Variants in ATP6V0A2 observed in about 807,000 individuals in gnomAD.
The protein encoded by ATP6V0A2 is V-type proton ATPase 116 kDa subunit a 2.
ATP6V0A2 carries 58 observed loss-of-function variants against 104.4 expected under a neutral mutation model. That is an observed-to-expected ratio of 0.56 (90% CI 0.45 to 0.69). The LOEUF (loss-of-function observed/expected upper bound fraction) is 0.69. Ranked by LOEUF, ATP6V0A2 falls within the 30% of genes least tolerant of loss-of-function variation. The pLI, the probability that ATP6V0A2 is intolerant of heterozygous loss-of-function variation, is 0.00. For missense variants in ATP6V0A2, 938 were observed against 1,062.9 expected (o/e 0.88, Z 1.63); for synonymous variants, 376 against 397.9 (o/e 0.95, Z 0.65).
Position 123,758,346 on chromosome 12 carries a change from T to C in ATP6V0A2, c.*314T>C, listed in dbSNP as rs1956783689. On this transcript the variant is annotated 3_prime_UTR_variant, in exon 20 of 20. Coordinates refer to ENST00000330342, the MANE Select transcript of ATP6V0A2 (RefSeq NM_012463.4). Reference sequence around the variant, plus strand: ...CCAATTTTGCATGGCTAGTTGAAAATGGTATTAGATACTTATTTCCTTTAA... The same window carrying C: ...CCAATTTTGCATGGCTAGTTGAAAACGGTATTAGATACTTATTTCCTTTAA... The C allele has an allele frequency of 4.6e-6, 1 of 218,724 alleles. No individual in the cohort carries two copies. The highest frequency in any genetic ancestry group is 2.3e-5 in the African/African-American group (1 of 43,022). 13.5% of individuals were successfully genotyped at this position (218,724 alleles called of 1,614,324 possible).
chr12:123,725,518 C>T (rs1013268216), intron 4 of ATP6V0A2, among the ~76,000 whole-genome samples: 1 of 152,118 alleles, frequency 6.6e-6, no homozygotes, highest in Non-Finnish European at 1.5e-5. Flanking sequence ...TGGCTTACAC[C>T]TGTAATCCCA....
In ATP6V0A2 at chr12:123,754,680, TA is replaced by T. The variant is rs1281930152; in HGVS notation, c.2293+145del. 5.7e-5 allele frequency: 38 copies of T among 671,668 alleles called. No homozygotes were observed. In the Middle Eastern group the frequency reaches 2.0e-3, roughly 35 times the overall value. 41.6% of individuals were successfully genotyped at this position (671,668 alleles called of 1,614,324 possible). ...ACGTGAACTTACACTATTCACTACT[TA>T]ATACACAGCTCTCTTGGCTATTTCT... is the stretch of plus-strand genomic sequence containing the variant. On this transcript the variant is annotated intron_variant, in intron 18 of 19. Transcript: ENST00000330342.
At position 123,761,459 on chromosome 12, in the gene ATP6V0A2, A is replaced by G. The variant is rs1389497701; in HGVS notation, c.*3427A>G. On this transcript the variant is annotated 3_prime_UTR_variant, in exon 20 of 20. Transcript: ENST00000330342. ...AAGCTGTCAAATCAAGATGATGGGA[A>G]TAAGGCAGTTTGAACGAACAGTCTT... The G allele has an allele frequency of 1.3e-5, 2 of 152,238 alleles. No homozygotes were observed. Among genetic ancestry groups the G allele is most frequent in the African/African-American group, 4.8e-5 (2 of 41,466 alleles). The allele number at this position is 152,238 out of a possible 1,614,324, so 9.4% of individuals were successfully genotyped here.
chr12:123,736,462 G>T (rs1956555191), intron 8 of ATP6V0A2, among the ~76,000 whole-genome samples: 1 of 152,160 alleles, frequency 6.6e-6, no homozygotes, highest in African/African-American at 2.4e-5. Flanking sequence ...AGAGTGCTGG[G>T]ATTACAGGTG....
At chr12:123,742,474 T>G (rs890880141) in intron 9 of ATP6V0A2, among the ~76,000 whole-genome samples, 1 of 152,196 alleles carries the variant, frequency 6.6e-6, no homozygotes, top group Non-Finnish European at 1.5e-5. Context: ...TGAAGGGGAC[T>G]TGGGGACGTT....
chr12:123,735,645 T>C, intron 8 of ATP6V0A2, 21 bp downstream of exon 8: 1 of 1,589,302 alleles, frequency 6.3e-7, no homozygotes. Context: ...TGGAAGTGGA[T>C]TGCCTCTTTA....
chr12:123,740,414 T>G (rs183573244), intron 9 of ATP6V0A2, among the ~76,000 whole-genome samples: 1 of 152,126 alleles, frequency 6.6e-6, no homozygotes, highest in Admixed American at 6.5e-5. Flanking sequence ...TTTCATAATG[T>G]TGGCCAGGCT....
chr12:123,756,853 G>A lies in ATP6V0A2; in HGVS notation c.2332G>A (p.Gly778Ser), dbSNP rs775303560. 3 of 1,613,980 alleles carry A rather than the reference G, an allele frequency of 1.9e-6. No homozygotes were observed. Among genetic ancestry groups the A allele is most frequent in the African/African-American group, 1.3e-5 (1 of 74,902 alleles). The change falls in exon 19 of 20, where the codon GGC becomes AGC. Residue 778 changes from glycine to serine, a missense_variant. Coordinates refer to ENST00000330342, the MANE Select transcript of ATP6V0A2 (RefSeq NM_012463.4). The part of the protein sequence containing the change: ...DVLWAMLMRV[G>S]LRVDTTYGVL... ...CCTGTGGGCCATGCTGATGCGCGTG[G>A]GCCTCCGCGTTGACACCACCTATGG...
At chr12:123,730,216 G>A (rs1022202299) in intron 6 of ATP6V0A2, among the ~76,000 whole-genome samples, 5 of 151,482 alleles carry the variant, frequency 3.3e-5, no homozygotes, top group African/African-American at 7.3e-5. Flanking sequence ...CACCGCTCCC[G>A]GCTAATTTTT....
At chr12:123,732,801 T>G (rs1472582513) in intron 6 of ATP6V0A2, 2 of 140,502 alleles carry the variant, frequency 1.4e-5, no homozygotes, top group South Asian at 2.7e-4. Flanking sequence ...TTATAGCACT[T>G]ACCTCTACCT....
chr12:123,722,026 T>C (rs1398321995), intron 2 of ATP6V0A2, among the ~76,000 whole-genome samples: 1 of 152,234 alleles, frequency 6.6e-6, no homozygotes, highest in African/African-American at 2.4e-5. Flanking sequence ...TTCACTAGAA[T>C]ATTAGAAATG....
Position 123,733,993 on chromosome 12 carries a change from A to G in ATP6V0A2, c.716A>G (p.Lys239Arg), listed in dbSNP as rs750655607. The change falls in exon 7 of 20, where the codon AAG becomes AGG. Residue 239 changes from lysine (K) to arginine (R), a missense_variant. Physicochemically the swap from Lys to Arg is conservative, Grantham distance 26. Coordinates refer to ENST00000330342, the MANE Select transcript of ATP6V0A2 (RefSeq NM_012463.4). ...FWGEQIGHKV[K>R]KICDCYHCHV... ...GGAGAGCAGATTGGCCACAAGGTTAAGAAGATATGTGATTGGTAAGAAAAA... is the reference window on the plus strand; with the variant it reads ...GGAGAGCAGATTGGCCACAAGGTTAGGAAGATATGTGATTGGTAAGAAAAA... 1.2e-6 allele frequency: 2 copies of G among 1,612,690 alleles called. No individual in the cohort carries two copies. The highest frequency in any genetic ancestry group is 8.5e-7 in the Non-Finnish European group (1 of 1,178,800).
intron 2 of ATP6V0A2, among the ~76,000 whole-genome samples, chr12:123,719,778 G>A (rs752322532): frequency 8.6e-5 from 13 of 152,002 alleles, no homozygotes; most frequent in Non-Finnish European, 1.3e-4. Context: ...GCCTTCCTGC[G>A]ATAAGCAAAA....
In ATP6V0A2 at chr12:123,759,279, C is replaced by A. The variant is rs1593925937; in HGVS notation, c.*1247C>A. 1 of 152,058 alleles carries A rather than the reference C, an allele frequency of 6.6e-6. No individual in the cohort carries two copies. Among genetic ancestry groups the A allele is most frequent in the Middle Eastern group, 3.4e-3 (1 of 292 alleles). 9.4% of individuals were successfully genotyped at this position (152,058 alleles called of 1,614,324 possible). A position where few individuals can be genotyped will look rare whatever the true frequency, so the allele number is the denominator to read the frequency against. On this transcript the variant is annotated 3_prime_UTR_variant, in exon 20 of 20. Transcript: ENST00000330342. ...AAGATATTTTACCATGAAGAGATTG[C>A]ACTTATCCTTGAGAACAGTCTAATG...
chr12:123,744,457 T>C lies in ATP6V0A2; in HGVS notation c.1326+120T>C, dbSNP rs1956639908. 6 of 1,560,252 alleles carry C rather than the reference T, an allele frequency of 3.8e-6. 1 individual carries two copies. The highest frequency in any genetic ancestry group is 5.3e-6 in the Non-Finnish European group (6 of 1,136,174). ...GGCTGTGCTGGGCAGGTGTGTGGCCTGTCAGCTGCGGCTGACAGGGATGTC... is the reference window on the plus strand; with the variant it reads ...GGCTGTGCTGGGCAGGTGTGTGGCCCGTCAGCTGCGGCTGACAGGGATGTC... On this transcript the variant is annotated intron_variant, in intron 11 of 19. Transcript: ENST00000330342. This position sits in a 1 kb window ranked among gnomAD's most constrained non-coding sequence, Gnocchi z 5.4.
intron 16 of ATP6V0A2, among the ~76,000 whole-genome samples, chr12:123,751,449 G>C (rs1956713374): frequency 1.3e-5 from 2 of 152,164 alleles, no homozygotes; most frequent in South Asian, 4.1e-4. Flanking sequence ...GAGCCCAGGA[G>C]TTTGAGACCA....
intron 13 of ATP6V0A2, among the ~76,000 whole-genome samples, chr12:123,746,728 C>T (rs909691054): frequency 3.3e-5 from 5 of 151,612 alleles, no homozygotes; most frequent in African/African-American, 1.2e-4. Flanking sequence ...AGGCGGATCA[C>T]CTGAGGTCAG....
At chr12:123,748,540 T>C (rs1956684087) in intron 14 of ATP6V0A2, 35 bp from the exon 15 acceptor site, 2 of 1,497,720 alleles carry the variant, frequency 1.3e-6, no homozygotes. Flanking sequence ...AGGCTGATCT[T>C]GTTCGTGGGT....
intron 15 of ATP6V0A2, among the ~76,000 whole-genome samples, chr12:123,749,795 C>A (rs1566290704): frequency 6.6e-6 from 1 of 152,172 alleles, no homozygotes; most frequent in Non-Finnish European, 1.5e-5. Flanking sequence ...GGGAAACCCT[C>A]CCAGTCGGTA....
Sources: allele counts gnomAD v4.1 joint callset (sites outside exome capture counted in the v4.1 genomes callset), GRCh38; gene constraint gnomAD v4.1.1; non-coding constraint Gnocchi (gnomAD v3.1); transcripts MANE v1.5; gene names NCBI Gene and HGNC (gene_info 2026-07-23, HGNC 2026-07-21).